Variants in CNTNAP2 observed in about 807,000 individuals in gnomAD.
The protein encoded by CNTNAP2 is contactin associated protein 2.
Under a neutral mutation model 155.2 loss-of-function variants are expected in CNTNAP2, and 98 were observed. The ratio of observed to expected loss-of-function variants is 0.63; its 90% CI spans 0.54 to 0.75. The LOEUF (loss-of-function observed/expected upper bound fraction) is 0.75. CNTNAP2 is among the 30% of genes least tolerant of loss of function. The probability of loss-of-function intolerance (pLI) is 0.00; values close to 1 mark genes in which losing one functional copy is unlikely to be tolerated. For synonymous variants in CNTNAP2, 651 were observed against 631.2 expected, an observed-to-expected ratio of 1.03 and a Z score of -0.47; for missense variants, 1,727 against 1,688.1, an observed-to-expected ratio of 1.02 and a Z score of -0.40.
chr7:146,143,065 A>G (rs1320830833), intron 1 of CNTNAP2, among the ~76,000 whole-genome samples: 1 of 152,134 alleles, frequency 6.6e-6, no homozygotes, highest in African/African-American at 2.4e-5. Flanking sequence ...AAGTTACAGG[A>G]TGATGGATTG....
At chr7:147,111,171 T>C (rs1800870951) in intron 5 of CNTNAP2, among the ~76,000 whole-genome samples, 1 of 152,246 alleles carries the variant, frequency 6.6e-6, no homozygotes, top group Admixed American at 6.5e-5. Context: ...CATGTATATC[T>C]TCTTTTGAGA....
chr7:148,019,563 T>G (rs1273703406), intron 15 of CNTNAP2, among the ~76,000 whole-genome samples: 2 of 152,026 alleles, frequency 1.3e-5, no homozygotes, highest in Non-Finnish European at 2.9e-5. Context: ...TCCAAGAGAT[T>G]CTTGTGCCTC....
chr7:146,412,363 T>A (rs1221671682), intron 1 of CNTNAP2, among the ~76,000 whole-genome samples: 1 of 152,212 alleles, frequency 6.6e-6, no homozygotes, highest in African/African-American at 2.4e-5. Flanking sequence ...GGTTTGTGGA[T>A]GTGCTTTGTT....
At chr7:147,572,357 G>C (rs559062074) in intron 12 of CNTNAP2, among the ~76,000 whole-genome samples, 1 of 152,036 alleles carries the variant, frequency 6.6e-6, no homozygotes, top group Non-Finnish European at 1.5e-5. Flanking sequence ...CACCACAGGA[G>C]AGGACCCAGA....
chr7:148,044,049 C>T (rs1802725197), intron 15 of CNTNAP2, among the ~76,000 whole-genome samples: 1 of 152,088 alleles, frequency 6.6e-6, no homozygotes, highest in African/African-American at 2.4e-5. Flanking sequence ...ATAAAAATGA[C>T]CCATGGTAAA....
At chr7:146,327,960 G>C (rs1801123543) in intron 1 of CNTNAP2, among the ~76,000 whole-genome samples, 1 of 152,198 alleles carries the variant, frequency 6.6e-6, no homozygotes, top group Non-Finnish European at 1.5e-5. Context: ...AGTAACTACA[G>C]GACGTATGGT....
chr7:146,348,153 C>T (rs995229448), intron 1 of CNTNAP2, among the ~76,000 whole-genome samples: 25 of 152,124 alleles, frequency 1.6e-4, no homozygotes, highest in African/African-American at 5.8e-4. Context: ...GGCGCAGTGG[C>T]TCACTCCTGT....
At chr7:147,371,506 T>C (rs1796337726) in intron 9 of CNTNAP2, among the ~76,000 whole-genome samples, 2 of 152,218 alleles carry the variant, frequency 1.3e-5, no homozygotes, top group Non-Finnish European at 2.9e-5. Flanking sequence ...AATTTTTATA[T>C]GCTTTGAAAT....
At chr7:146,856,612 AT>A (rs775767269) in intron 3 of CNTNAP2, among the ~76,000 whole-genome samples, 5 of 152,156 alleles carry the variant, frequency 3.3e-5, no homozygotes, top group Non-Finnish European at 7.3e-5. Flanking sequence ...GAAATGAATA[AT>A]ATTTACACAA....
At chr7:147,706,909 A>C (rs1234060341) in intron 13 of CNTNAP2, among the ~76,000 whole-genome samples, 1 of 152,078 alleles carries the variant, frequency 6.6e-6, no homozygotes, top group Non-Finnish European at 1.5e-5. Flanking sequence ...CTTTCATCTA[A>C]TATATTGTTG....
intron 1 of CNTNAP2, among the ~76,000 whole-genome samples, chr7:146,315,453 A>C (rs1800891016): frequency 6.6e-6 from 1 of 152,122 alleles, no homozygotes; most frequent in South Asian, 2.1e-4. Flanking sequence ...GTTATGCCTG[A>C]GTGTATCTCC....
At chr7:147,659,651 A>G (rs1795582630) in intron 13 of CNTNAP2, among the ~76,000 whole-genome samples, 1 of 152,230 alleles carries the variant, frequency 6.6e-6, no homozygotes, top group East Asian at 1.9e-4. Flanking sequence ...AGAGAGTAAT[A>G]CAATTAATTT....
At chr7:146,807,871 C>T (rs1042271235) in intron 2 of CNTNAP2, among the ~76,000 whole-genome samples, 2 of 152,112 alleles carry the variant, frequency 1.3e-5, no homozygotes, top group Non-Finnish European at 2.9e-5. Flanking sequence ...CCCACTCCTT[C>T]CTTTGTAAGT....
intron 21 of CNTNAP2, among the ~76,000 whole-genome samples, chr7:148,281,615 A>G (rs1395920112): frequency 6.6e-6 from 1 of 152,218 alleles, no homozygotes; most frequent in Non-Finnish European, 1.5e-5. Context: ...GAATTCACTC[A>G]GGGAGTTCTA....
At chr7:147,184,138 AG>A (rs1802519316) in intron 8 of CNTNAP2, among the ~76,000 whole-genome samples, 1 of 152,194 alleles carries the variant, frequency 6.6e-6, no homozygotes, top group Non-Finnish European at 1.5e-5. Context: ...GGCCTCGGGA[AG>A]CTTTGCCTTC....
At chr7:146,995,857 A>G (rs1798298900) in intron 3 of CNTNAP2, among the ~76,000 whole-genome samples, 1 of 152,122 alleles carries the variant, frequency 6.6e-6, no homozygotes, top group Non-Finnish European at 1.5e-5. Context: ...TTTGCTATGC[A>G]GAAACATTTC....
intron 2 of CNTNAP2, among the ~76,000 whole-genome samples, chr7:146,822,224 A>G (rs985903115): frequency 6.6e-6 from 1 of 152,132 alleles, no homozygotes; most frequent in Non-Finnish European, 1.5e-5. Context: ...CGCAAGGACA[A>G]AAAACCCAAC....
In CNTNAP2 at chr7:146,990,280, A is replaced by G. The variant is rs185548930; in HGVS notation, c.403-53627A>G. On this transcript the variant is annotated intron_variant, in intron 3 of 23. Transcript: ENST00000361727. ...ATGAGTTGCTAGGACACTTAGTTCA[A>G]TTAGCTATGAGGTATACACATGGAC... Among the ~76,000 whole-genome samples the G allele has an allele frequency of 1.8e-3, 268 of 152,264 alleles. 1 individual carries two copies. The highest frequency in any genetic ancestry group is 5.9e-3 in the African/African-American group (247 of 41,564).
intron 1 of CNTNAP2, among the ~76,000 whole-genome samples, chr7:146,357,920 C>G (rs1795023632): frequency 6.6e-6 from 1 of 151,820 alleles, no homozygotes; most frequent in African/African-American, 2.4e-5. Flanking sequence ...CACCCCGCCC[C>G]CCGCCACACA....
Sources: allele counts gnomAD v4.1 joint callset (sites outside exome capture counted in the v4.1 genomes callset), GRCh38; gene constraint gnomAD v4.1.1; transcripts MANE v1.5; gene names NCBI Gene and HGNC (gene_info 2026-07-23, HGNC 2026-07-21).